The following IGSF9B variants were observed in gnomAD, a reference collection of about 807,000 sequenced individuals.
The protein encoded by IGSF9B is immunoglobulin superfamily member 9B.
A neutral mutation model predicts 143.7 loss-of-function variants in IGSF9B; 48 were observed. That is an observed-to-expected ratio of 0.33 (90% CI 0.26 to 0.42). The LOEUF is 0.42. Among genes scored for constraint, IGSF9B ranks in the 20% least tolerant of loss-of-function variants. IGSF9B has a pLI of 1.00. For synonymous variants in IGSF9B, 903 were observed against 833.1 expected (o/e 1.08, Z -1.44); for missense variants, 1,706 against 1,980.0 (o/e 0.86, Z 2.63).
intron 3 of IGSF9B, among the ~76,000 whole-genome samples, chr11:133,943,008 G>C (rs1287039035): frequency 2.0e-5 from 3 of 152,162 alleles, no homozygotes; most frequent in Non-Finnish European, 2.9e-5. Context: ...TCCTGGACAA[G>C]TTCTCAGACC....
rs1940088096 is a variant in IGSF9B at position 133,948,048 on chromosome 11, CATGTGT to C, written c.65-1796_65-1791del. Among the ~76,000 whole-genome samples, 1 of 127,424 alleles carries C rather than the reference CATGTGT, an allele frequency of 7.8e-6. No individual in the cohort carries two copies. The highest frequency in any genetic ancestry group is 1.6e-5 in the Non-Finnish European group (1 of 61,952). 83.6% of individuals were successfully genotyped at this position (127,424 alleles called of 152,430 possible). On this transcript the variant is annotated intron_variant, in intron 1 of 19. Coordinates refer to ENST00000533871, the MANE Select transcript of IGSF9B (RefSeq NM_001277285.4). The surrounding 1 kb of genome is among the most constrained non-coding windows in gnomAD (Gnocchi z 4.7). ...CTCTCTCCCTGTTTCTGTCTACCAG[CATGTGT>C]GCGTGTGTGTGTGTGTGTGTGTGTG...
At chr11:133,956,041 G>T (rs1161075445) in intron 1 of IGSF9B, among the ~76,000 whole-genome samples, 1 of 151,874 alleles carries the variant, frequency 6.6e-6, no homozygotes, top group Non-Finnish European at 1.5e-5. Context: ...GGGGGCCGGC[G>T]GGGTCCAGCC....
At chr11:133,912,817 T>C (rs1939322454) in intron 18 of IGSF9B, among the ~76,000 whole-genome samples, 1 of 152,216 alleles carries the variant, frequency 6.6e-6, no homozygotes, top group African/African-American at 2.4e-5. Context: ...CCATGTGTAC[T>C]GGCCTCTCTT....
chr11:133,932,690 G>T (rs111174076), intron 7 of IGSF9B, among the ~76,000 whole-genome samples: 4 of 105,244 alleles, frequency 3.8e-5, no homozygotes, highest in Admixed American at 9.1e-5. Flanking sequence ...AGAGCAGACA[G>T]ACAGACACAG....
chr11:133,952,673 T>TGTGCA (rs1940182723), intron 1 of IGSF9B, among the ~76,000 whole-genome samples: 1 of 151,962 alleles, frequency 6.6e-6, no homozygotes, highest in Non-Finnish European at 1.5e-5. Flanking sequence ...TGTGCACACA[T>TGTGCA]ATGCAATGCA....
intron 3 of IGSF9B, 173 bp from the exon 4 acceptor site, chr11:133,938,134 A>C: frequency 1.5e-6 from 1 of 679,696 alleles, no homozygotes; most frequent in South Asian, 2.0e-5. Context: ...TGGCAGGGAG[A>C]CCTGCATCCA....
In IGSF9B at chr11:133,931,366, C is replaced by T. The variant is rs1939725418; in HGVS notation, c.1368+87G>A. The T allele has an allele frequency of 2.1e-5, 21 of 1,001,650 alleles. No individual in the cohort carries two copies. The highest frequency in any genetic ancestry group is 2.4e-5 in the Non-Finnish European group (16 of 663,518). 62.0% of individuals were successfully genotyped at this position (1,001,650 alleles called of 1,614,324 possible). A position where few individuals can be genotyped will look rare whatever the true frequency, so the allele number is the denominator to read the frequency against. On this transcript the variant is annotated intron_variant, in intron 10 of 19. Coordinates refer to ENST00000533871, the MANE Select transcript of IGSF9B (RefSeq NM_001277285.4). This position sits in a 1 kb window ranked among gnomAD's most constrained non-coding sequence, Gnocchi z 7.7. ...CACACCTCCCCTCAGCCCCGGGGCTCGCTGGGCCCTCAAACCTCCCCGCAG... is the reference window on the plus strand; with the variant it reads ...CACACCTCCCCTCAGCCCCGGGGCTTGCTGGGCCCTCAAACCTCCCCGCAG...
At position 133,929,738 on chromosome 11, in the gene IGSF9B, T is replaced by C. The variant is rs1939689509; in HGVS notation, c.1564A>G (p.Met522Val). The change falls in exon 12 of 20, where the codon ATG becomes GTG. Residue 522 changes from methionine (M) to valine (V), a missense_variant. By Grantham distance (21) the Met-to-Val change is conservative. Transcript: ENST00000533871. ...TCCCAGGACACGTTGGCAGTTGTCA[T>C]GGAGACCTGGACCCGGACACTGCCC... ...APGSVRVQVS[M>V]TTANVSWEPG... The C allele has an allele frequency of 1.9e-6, 3 of 1,613,940 alleles. No homozygotes were observed. The highest frequency in any genetic ancestry group is 2.7e-5 in the African/African-American group (2 of 75,056).
chr11:133,939,576 G>A (rs976134235), intron 3 of IGSF9B, among the ~76,000 whole-genome samples: 3 of 152,228 alleles, frequency 2.0e-5, no homozygotes, highest in Non-Finnish European at 4.4e-5. Context: ...CAGACCTGCA[G>A]GCCGATACCA....
At position 133,903,471 on chromosome 11, in the gene IGSF9B, A is replaced by G. The variant is rs1030601322; in HGVS notation, c.*5598T>C. ...CACCGCAGAAGACAACACCCATGTG[A>G]TTTTAATGACTGGCCACTGTTCCAC... On this transcript the variant is annotated 3_prime_UTR_variant, in exon 20 of 20. Coordinates refer to ENST00000533871, the MANE Select transcript of IGSF9B (RefSeq NM_001277285.4). 1.3e-5 allele frequency among the ~76,000 whole-genome samples: 2 copies of G among 152,186 alleles called. No individual in the cohort carries two copies. The highest frequency in any genetic ancestry group is 2.9e-5 in the Non-Finnish European group (2 of 68,030).
At chr11:133,934,225 C>T (rs1022960779) in intron 7 of IGSF9B, among the ~76,000 whole-genome samples, 2 of 152,178 alleles carry the variant, frequency 1.3e-5, no homozygotes, top group Non-Finnish European at 2.9e-5. Flanking sequence ...CCTATGGCTT[C>T]GAGGAGGGGC....
rs986237827 is a variant in IGSF9B, at chr11:133,899,097, A to T, written c.*9972T>A. On this transcript the variant is annotated 3_prime_UTR_variant, in exon 20 of 20. Coordinates refer to ENST00000533871, the MANE Select transcript of IGSF9B (RefSeq NM_001277285.4). ...AGTAGACAGAGGTAGCAAGACAGAA[A>T]CAACTCCTCAGATACCTCCACCTTC... The T allele has an allele frequency of 6.6e-6, 1 of 152,284 alleles. No individual in the cohort carries two copies. Among genetic ancestry groups the T allele is most frequent in the Admixed American group, 6.5e-5 (1 of 15,284 alleles). The allele number at this position is 152,284 out of a possible 1,614,324, so 9.4% of individuals were successfully genotyped here.
In IGSF9B at chr11:133,919,793, C is replaced by T. The variant is rs763145037; in HGVS notation, c.3932G>A (p.Gly1311Glu). The T allele has an allele frequency of 8.6e-6, 13 of 1,503,940 alleles. No individual in the cohort carries two copies. The highest frequency in any genetic ancestry group is 2.2e-5 in the Admixed American group (1 of 44,646). The allele number at this position is 1,503,940 out of a possible 1,614,324, so 93.2% of individuals were successfully genotyped here. ...GGTCTCCGGTCGGAGCAATTCCTCC[C>T]CCGTCCTTCGAGGGGAAGGCGTCTG... ...FGQTPSPRRT[G>E]EELLRPETPP... The change falls in exon 18 of 20, where the codon GGG (glycine) becomes GAG (glutamate). Residue 1311 changes from glycine (G) to glutamate (E), a missense_variant. By Grantham distance (98) the Gly-to-Glu change is moderately conservative. Coordinates refer to ENST00000533871, the MANE Select transcript of IGSF9B (RefSeq NM_001277285.4).
chr11:133,935,091 C>T, intron 7 of IGSF9B, among the ~76,000 whole-genome samples: 1 of 152,220 alleles, frequency 6.6e-6, no homozygotes, highest in South Asian at 2.1e-4. Flanking sequence ...GCTCATTCAT[C>T]TGGATCTCCA....
chr11:133,922,315 C>G lies in IGSF9B; in HGVS notation c.2282-93G>C. The stretch of plus-strand genomic sequence containing the variant: ...AGAGGCTGACAGAGCCGGAGCACCA[C>G]CGCACAGGGAAGGAGCTGCTCACAG... On this transcript the variant is annotated intron_variant, in intron 16 of 19. Coordinates refer to ENST00000533871, the MANE Select transcript of IGSF9B (RefSeq NM_001277285.4). 4.0e-6 allele frequency: 5 copies of G among 1,237,344 alleles called. No homozygotes were observed. The South Asian group carries it at 5.1e-5, about 13-fold the overall frequency. The allele number at this position is 1,237,344 out of a possible 1,614,324, so 76.6% of individuals were successfully genotyped here.
At chr11:133,918,820 G>GAGA (rs1426883338) in intron 18 of IGSF9B, among the ~76,000 whole-genome samples, 1 of 129,176 alleles carries the variant, frequency 7.7e-6, no homozygotes, top group East Asian at 3.1e-4. Flanking sequence ...GAGAGAGAGA[G>GAGA]AAGAGGGCGG....
intron 17 of IGSF9B, among the ~76,000 whole-genome samples, chr11:133,921,969 C>T (rs963578977): frequency 3.3e-5 from 5 of 152,162 alleles, no homozygotes; most frequent in African/African-American, 9.7e-5. Context: ...CCTCTACCAG[C>T]GTGGACAACT....
rs1939330458 is a variant in IGSF9B, at chr11:133,913,419, C to T, written c.3984-1412G>A. On this transcript the variant is annotated intron_variant, in intron 18 of 19. Transcript: ENST00000533871. This position sits in a 1 kb window ranked among gnomAD's most constrained non-coding sequence, Gnocchi z 4.6. ...GCAAGGCGGGAAGAGGAGACTTACACACTAATTGCAGATAAGCCTCTGGTC... is the reference window on the plus strand; with the variant it reads ...GCAAGGCGGGAAGAGGAGACTTACATACTAATTGCAGATAAGCCTCTGGTC... Among the ~76,000 whole-genome samples the T allele has an allele frequency of 6.6e-6, 1 of 152,204 alleles. No homozygotes were observed. Among genetic ancestry groups the T allele is most frequent in the Admixed American group, 6.5e-5 (1 of 15,282 alleles).
At chr11:133,939,925 G>A (rs1483796378) in intron 3 of IGSF9B, among the ~76,000 whole-genome samples, 6 of 146,012 alleles carry the variant, frequency 4.1e-5, no homozygotes, top group South Asian at 2.2e-4. Context: ...ATCCTCGCAC[G>A]CGTCATCACA....
Sources: gnomAD v4.1 joint callset for allele counts (sites outside exome capture counted in the v4.1 genomes callset) on GRCh38, gnomAD v4.1.1 for gene constraint, Gnocchi (gnomAD v3.1) non-coding constraint, MANE v1.5 for transcripts, NCBI Gene and HGNC (gene_info 2026-07-23, HGNC 2026-07-21) for gene names.